Variants in RIT2 observed in about 807,000 individuals in gnomAD.
RIT2 encodes GTP-binding protein Rit2.
In RIT2, 24 loss-of-function variants were observed where a neutral mutation model predicts 23.7. The observed-to-expected ratio is 1.01, with a 90% CI of 0.73 to 1.43. The LOEUF (loss-of-function observed/expected upper bound fraction) is 1.43, where lower values mean the gene tolerates loss of function less well. Ranked by LOEUF, RIT2 falls within the 40% of genes most tolerant of loss-of-function variation. RIT2 has a pLI of 0.00. For missense variants in RIT2, 236 were observed against 266.9 expected, an observed-to-expected ratio of 0.88 and a Z score of 0.81; for synonymous variants, 107 against 91.1, an observed-to-expected ratio of 1.17 and a Z score of -0.99.
At chr18:42,954,797 G>C (rs1212969977) in intron 3 of RIT2, among the ~76,000 whole-genome samples, 1 of 151,898 alleles carries the variant, frequency 6.6e-6, no homozygotes, top group East Asian at 1.9e-4. Flanking sequence ...GACTTCTATT[G>C]TCTTTCTCCT....
intron 4 of RIT2, among the ~76,000 whole-genome samples, chr18:42,764,256 A>T (rs990059286): frequency 6.6e-6 from 1 of 152,208 alleles, no homozygotes; most frequent in Non-Finnish European, 1.5e-5. Flanking sequence ...AGATCAATGG[A>T]GAGGTCTAGA....
intron 4 of RIT2, among the ~76,000 whole-genome samples, chr18:42,777,913 A>T (rs897273716): frequency 6.6e-6 from 1 of 152,244 alleles, no homozygotes; most frequent in South Asian, 2.1e-4. Context: ...TTAAAAACAT[A>T]CTTCATAAAA....
rs139607126 is a variant in RIT2 at position 43,027,914 on chromosome 18, G to C, written c.160+5897C>G. Among the ~76,000 whole-genome samples the C allele has an allele frequency of 7.6e-3, 1,152 of 151,970 alleles. 9 individuals are homozygous for C. Among genetic ancestry groups the C allele is most frequent in the African/African-American group, 0.026 (1,070 of 41,488 alleles). ...ATAGAAATCTAACTTAGATAACAGG[G>C]GAAAAAAATGTCACTGAAGTTGCTC... On this transcript the variant is annotated intron_variant, in intron 2 of 4. Transcript: ENST00000326695.
chr18:42,795,752 A>G (rs1343277370), intron 4 of RIT2, among the ~76,000 whole-genome samples: 1 of 152,162 alleles, frequency 6.6e-6, no homozygotes, highest in Admixed American at 6.5e-5. Context: ...AAATACACCA[A>G]TCGGCACTCT....
chr18:43,025,103 G>C (rs1911682354), intron 2 of RIT2, among the ~76,000 whole-genome samples: 1 of 151,848 alleles, frequency 6.6e-6, no homozygotes, highest in Admixed American at 6.6e-5. Context: ...AGCTACTCAG[G>C]AGGCTGAGGC....
intron 4 of RIT2, among the ~76,000 whole-genome samples, chr18:42,886,442 C>T (rs1307919553): frequency 6.6e-6 from 1 of 152,116 alleles, no homozygotes; most frequent in East Asian, 1.9e-4. Context: ...ATTGTATGAA[C>T]TAATAACTCA....
At chr18:42,880,366 C>G (rs1307531726) in intron 4 of RIT2, among the ~76,000 whole-genome samples, 2 of 151,744 alleles carry the variant, frequency 1.3e-5, no homozygotes, top group Non-Finnish European at 2.9e-5. Flanking sequence ...TTTGTTTTAC[C>G]CCTTAAAAAA....
At chr18:43,041,937 A>G (rs1023523647) in intron 1 of RIT2, among the ~76,000 whole-genome samples, 2 of 152,116 alleles carry the variant, frequency 1.3e-5, no homozygotes, top group Non-Finnish European at 2.9e-5. Flanking sequence ...AATAATATAT[A>G]TATATAGCAT....
chr18:42,913,600 G>T (rs896892400), intron 4 of RIT2, among the ~76,000 whole-genome samples: 2 of 151,906 alleles, frequency 1.3e-5, no homozygotes, highest in East Asian at 3.9e-4. Flanking sequence ...TATCTTAGGC[G>T]AAATAAGCCA....
intron 1 of RIT2, among the ~76,000 whole-genome samples, chr18:43,040,063 G>T (rs1465043897): frequency 6.6e-6 from 1 of 152,132 alleles, no homozygotes. Context: ...GGTCAAGACC[G>T]CTTAGAACAA....
chr18:42,792,832 A>C (rs981369302), intron 4 of RIT2, among the ~76,000 whole-genome samples: 1 of 152,134 alleles, frequency 6.6e-6, no homozygotes, highest in Admixed American at 6.5e-5. Context: ...ATTTTTAGTA[A>C]TATGTCATTG....
intron 3 of RIT2, among the ~76,000 whole-genome samples, chr18:42,950,729 T>A (rs933073250): frequency 1.4e-4 from 21 of 151,588 alleles, no homozygotes; most frequent in Non-Finnish European, 2.2e-4. Context: ...TTTTAAAAAA[T>A]GGGCAAAAGA....
intron 4 of RIT2, among the ~76,000 whole-genome samples, chr18:42,855,207 G>C (rs1328570196): frequency 1.3e-5 from 2 of 152,134 alleles, no homozygotes; most frequent in African/African-American, 4.8e-5. Flanking sequence ...TTACGTTCTT[G>C]AGATAACAAG....
chr18:42,904,861 T>G (rs1365017354), intron 4 of RIT2, among the ~76,000 whole-genome samples: 1 of 152,064 alleles, frequency 6.6e-6, no homozygotes, highest in Non-Finnish European at 1.5e-5. Context: ...CCCACCTAAG[T>G]GGCAATCAGA....
Position 42,996,848 on chromosome 18 carries a change from T to C in RIT2, c.161-22701A>G, listed in dbSNP as rs551527941. ...AGAAAAATGACTGCCCATACCACTT[T>C]ACAGAAGACTTGAGTTTGGACACTC... On this transcript the variant is annotated intron_variant, in intron 2 of 4. Transcript: ENST00000326695. Among the ~76,000 whole-genome samples, 4 of 152,270 alleles carry C rather than the reference T, an allele frequency of 2.6e-5. No individual in the cohort carries two copies. In the South Asian group the frequency reaches 8.3e-4, roughly 32 times the overall value.
chr18:42,903,064 T>G (rs1418457948), intron 4 of RIT2, among the ~76,000 whole-genome samples: 1 of 151,862 alleles, frequency 6.6e-6, no homozygotes, highest in Non-Finnish European at 1.5e-5. Context: ...AAGAAGTAAT[T>G]CTGGATATTC....
rs140013179 is a variant in RIT2 at position 42,885,354 on chromosome 18, G to A, written c.426+38218C>T. Reference sequence around the variant, plus strand: ...TAATCCCAGCACTTTGGGAGGCCAAGGTGGGTGGATCATGAGGTCAGGAGA... The same window carrying A: ...TAATCCCAGCACTTTGGGAGGCCAAAGTGGGTGGATCATGAGGTCAGGAGA... On this transcript the variant is annotated intron_variant, in intron 4 of 4. Transcript: ENST00000326695. Among the ~76,000 whole-genome samples the A allele has an allele frequency of 3.2e-3, 480 of 152,338 alleles. 2 individuals are homozygous for A. The highest frequency in any genetic ancestry group is 0.011 in the African/African-American group (465 of 41,582).
At chr18:42,926,521 T>C (rs1307680399) in intron 3 of RIT2, among the ~76,000 whole-genome samples, 2 of 151,974 alleles carry the variant, frequency 1.3e-5, no homozygotes, top group Admixed American at 1.3e-4. Context: ...AGCATTTGAC[T>C]ACTTCAACAA....
rs78615276 is a variant in RIT2, at chr18:42,924,218, C to A, written c.235-455G>T. 4.6e-5 allele frequency among the ~76,000 whole-genome samples: 7 copies of A among 152,126 alleles called. No homozygotes were observed. In the East Asian group the frequency reaches 1.4e-3, roughly 29 times the overall value. ...TGGTTTGTATAGGGGATTTGCCATA[C>A]GTCTGCCAAGGAATCTGGGGGAACA... is the stretch of plus-strand genomic sequence containing the variant. On this transcript the variant is annotated intron_variant, in intron 3 of 4. Transcript: ENST00000326695.
Sources: gnomAD v4.1 joint callset for allele counts (sites outside exome capture counted in the v4.1 genomes callset) on GRCh38, gnomAD v4.1.1 for gene constraint, MANE v1.5 for transcripts, NCBI Gene and HGNC (gene_info 2026-07-23, HGNC 2026-07-21) for gene names.